The following PCDHGB4 variants were observed in gnomAD, a reference collection of about 807,000 sequenced individuals.
The protein encoded by PCDHGB4 is protocadherin gamma subfamily B, 4.
A neutral mutation model predicts 60.5 loss-of-function variants in PCDHGB4; 38 were observed. That is an observed-to-expected ratio of 0.63 (90% CI 0.48 to 0.82). PCDHGB4 has a LOEUF of 0.82. Ranked by LOEUF, PCDHGB4 falls within the 40% of genes least tolerant of loss-of-function variation. The probability of loss-of-function intolerance (pLI) is 0.00; values close to 1 mark genes in which losing one functional copy is unlikely to be tolerated. For missense variants in PCDHGB4, 1,109 were observed against 1,209.6 expected (o/e 0.92, Z 1.23); for synonymous variants, 456 against 509.7 (o/e 0.89, Z 1.42).
At chr5:141,414,587 G>A (rs775783880) in intron 1 of PCDHGB4, 5 of 1,613,828 alleles carry the variant, frequency 3.1e-6, no homozygotes, top group Non-Finnish European at 8.5e-7. Context: ...AACAACGCCA[G>A]GGGTGCCTCC....
At position 141,476,789 on chromosome 5, in the gene PCDHGB4, T is replaced by C; in HGVS notation, c.2398-18018T>C. ...GTTGGACGGAGGGACCCCAGCTCTC[T>C]CCGCCAGCCTGCCTATTCACATCAA... On this transcript the variant is annotated intron_variant, in intron 1 of 3. Transcript: ENST00000519479. The surrounding 1 kb of genome is among the most constrained non-coding windows in gnomAD (Gnocchi z 7.6). 1.2e-6 allele frequency: 2 copies of C among 1,613,374 alleles called. No individual in the cohort carries two copies. The highest frequency in any genetic ancestry group is 4.5e-5 in the East Asian group (2 of 44,864).
At chr5:141,448,114 A>G (rs1483138819) in intron 1 of PCDHGB4, among the ~76,000 whole-genome samples, 1 of 151,948 alleles carries the variant, frequency 6.6e-6, no homozygotes, top group Non-Finnish European at 1.5e-5. Flanking sequence ...AGAAAAGAAA[A>G]TTAGCCTCCC....
At chr5:141,494,268 C>G (rs576129333) in intron 1 of PCDHGB4, among the ~76,000 whole-genome samples, 31 of 152,288 alleles carry the variant, frequency 2.0e-4, no homozygotes, top group African/African-American at 7.2e-4. Flanking sequence ...TTCTTGCAAG[C>G]CAAGGGCCCA....
At position 141,493,774 on chromosome 5, in the gene PCDHGB4, C is replaced by T. The variant is rs2099749996; in HGVS notation, c.2398-1033C>T. On this transcript the variant is annotated intron_variant, in intron 1 of 3. Coordinates refer to ENST00000519479, the MANE Select transcript of PCDHGB4 (RefSeq NM_003736.4). The surrounding 1 kb of genome is among the most constrained non-coding windows in gnomAD (Gnocchi z 4.3). ...GCCTTGAGTGAGCCACTGGCAGTTC[C>T]GGAGCTTCCTTCTCCCTGGAGTAAT... Among the ~76,000 whole-genome samples, 1 of 152,258 alleles carries T rather than the reference C, an allele frequency of 6.6e-6. No homozygotes were observed. The highest frequency in any genetic ancestry group is 1.9e-4 in the East Asian group (1 of 5,176).
At chr5:141,454,267 A>G (rs1270638226) in intron 1 of PCDHGB4, among the ~76,000 whole-genome samples, 1 of 152,254 alleles carries the variant, frequency 6.6e-6, no homozygotes, top group Non-Finnish European at 1.5e-5. Context: ...AAGTAATGCC[A>G]GCAAAAACTT....
At chr5:141,402,272 G>A (rs934353221) in intron 1 of PCDHGB4, among the ~76,000 whole-genome samples, 7 of 151,874 alleles carry the variant, frequency 4.6e-5, no homozygotes, top group African/African-American at 1.2e-4. Context: ...TAATTTCAAA[G>A]TGGATAATCT....
At chr5:141,412,779 C>A (rs966431850) in intron 1 of PCDHGB4, among the ~76,000 whole-genome samples, 6 of 152,168 alleles carry the variant, frequency 3.9e-5, no homozygotes, top group Non-Finnish European at 7.3e-5. Context: ...ACAATATTTT[C>A]ACTCCACTTT....
chr5:141,395,380 T>A, intron 1 of PCDHGB4: 2 of 1,112,040 alleles, frequency 1.8e-6, no homozygotes, highest in Non-Finnish European at 2.5e-6. Flanking sequence ...GTGGTGTTAC[T>A]ATAAAATTGA....
intron 1 of PCDHGB4, among the ~76,000 whole-genome samples, chr5:141,396,910 A>G (rs1335319555): frequency 1.3e-5 from 2 of 152,208 alleles, no homozygotes; most frequent in Non-Finnish European, 2.9e-5. Flanking sequence ...GCACTTTGCA[A>G]TTTTAAAAAC....
chr5:141,463,572 C>A (rs1462125489), intron 1 of PCDHGB4, among the ~76,000 whole-genome samples: 2 of 151,572 alleles, frequency 1.3e-5, no homozygotes, highest in African/African-American at 4.9e-5. Context: ...CCTCAGCCTC[C>A]CGAGTAGCTG....
At chr5:141,410,631 C>A (rs1227907799) in intron 1 of PCDHGB4, 1 of 1,600,936 alleles carries the variant, frequency 6.2e-7, no homozygotes, top group East Asian at 2.2e-5. Context: ...GTGAGTTTCT[C>A]TTTTTTGTGT....
At chr5:141,509,411 AGCC>A (rs2099876675) in intron 3 of PCDHGB4, among the ~76,000 whole-genome samples, 2 of 152,098 alleles carry the variant, frequency 1.3e-5, no homozygotes, top group Admixed American at 1.3e-4. Flanking sequence ...TCCAGCAGCG[AGCC>A]CCAATGAGTC....
intron 1 of PCDHGB4, chr5:141,404,553 C>T: frequency 6.2e-7 from 1 of 1,613,766 alleles, no homozygotes; most frequent in Non-Finnish European, 8.5e-7. Context: ...CAGGTGACGG[C>T]AAGTGACAGT....
rs1012028735 is a variant in PCDHGB4 at position 141,413,666 on chromosome 5, C to T, written c.2397+23385C>T. 4 of 1,613,666 alleles carry T rather than the reference C, an allele frequency of 2.5e-6. No individual in the cohort carries two copies. In the African/African-American group the frequency reaches 5.3e-5, roughly 22 times the overall value. On this transcript the variant is annotated intron_variant, in intron 1 of 3. Coordinates refer to ENST00000519479, the MANE Select transcript of PCDHGB4 (RefSeq NM_003736.4). ...TTTCCTCTCCCGGAAGCTATTGATC[C>T]GGATGTGGGCGTGAACTCCCTGCAG... is the stretch of plus-strand genomic sequence containing the variant.
intron 1 of PCDHGB4, chr5:141,408,823 T>G: frequency 4.3e-6 from 7 of 1,613,568 alleles, no homozygotes; most frequent in Non-Finnish European, 5.9e-6. Flanking sequence ...AACAGAGATC[T>G]CATAGCTTGA....
chr5:141,481,096 T>C (rs1162625304), intron 1 of PCDHGB4, among the ~76,000 whole-genome samples: 2 of 152,150 alleles, frequency 1.3e-5, no homozygotes, highest in East Asian at 1.9e-4. Flanking sequence ...AAAGCAGTAC[T>C]CTGGAACCTA....
At position 141,491,605 on chromosome 5, in the gene PCDHGB4, T is replaced by C; in HGVS notation, c.2398-3202T>C. On this transcript the variant is annotated intron_variant, in intron 1 of 3. Coordinates refer to ENST00000519479, the MANE Select transcript of PCDHGB4 (RefSeq NM_003736.4). This position sits in a 1 kb window ranked among gnomAD's most constrained non-coding sequence, Gnocchi z 6.9. Reference sequence around the variant, plus strand: ...GGCCTCGGACGGCAGTGACTTCACTTTTCTAAGACCCCTCAGCGTTCAGCA... The same window carrying C: ...GGCCTCGGACGGCAGTGACTTCACTCTTCTAAGACCCCTCAGCGTTCAGCA... 6.2e-7 allele frequency: 1 copy of C among 1,613,868 alleles called. No individual in the cohort carries two copies. Among genetic ancestry groups the C allele is most frequent in the East Asian group, 2.2e-5 (1 of 44,858 alleles).
chr5:141,403,006 G>C (rs536630249), intron 1 of PCDHGB4: 3 of 1,613,888 alleles, frequency 1.9e-6, no homozygotes, highest in Non-Finnish European at 2.5e-6. Context: ...TGCTATGCTC[G>C]CTCCTGGGGA....
At chr5:141,410,583 G>A (rs1257322419) in intron 1 of PCDHGB4, 1 of 1,610,052 alleles carries the variant, frequency 6.2e-7, no homozygotes, top group African/African-American at 1.3e-5. Context: ...CCTCATGGTG[G>A]GGAGGATTTG....
Sources: allele counts gnomAD v4.1 joint callset (sites outside exome capture counted in the v4.1 genomes callset), GRCh38; gene constraint gnomAD v4.1.1; non-coding constraint Gnocchi (gnomAD v3.1); transcripts MANE v1.5; gene names NCBI Gene and HGNC (gene_info 2026-07-23, HGNC 2026-07-21).